The following MGAT5 variants were observed in gnomAD, a reference collection of about 807,000 sequenced individuals.
The protein encoded by MGAT5 is alpha-1,6-mannosylglycoprotein 6-beta-N-acetylglucosaminyltransferase.
In MGAT5, 30 loss-of-function variants were observed where a neutral mutation model predicts 94.3. That is an observed-to-expected ratio of 0.32 (90% CI 0.24 to 0.43). MGAT5 has a LOEUF of 0.43. MGAT5 is among the 20% of genes least tolerant of loss of function. The pLI is 1.00. For missense variants in MGAT5, 691 were observed against 905.5 expected (o/e 0.76, Z 3.04); for synonymous variants, 310 against 322.9 (o/e 0.96, Z 0.43).
At chr2:134,365,244 C>T (rs1337591858) in intron 10 of MGAT5, among the ~76,000 whole-genome samples, 3 of 152,220 alleles carry the variant, frequency 2.0e-5, no homozygotes, top group African/African-American at 7.2e-5. Context: ...TCCCACCACC[C>T]TCCTTCTTGA....
chr2:134,128,719 T>C (rs1685973985), intron 1 of MGAT5, among the ~76,000 whole-genome samples: 2 of 152,090 alleles, frequency 1.3e-5, no homozygotes, highest in African/African-American at 4.8e-5. Flanking sequence ...TCACCACGCC[T>C]GGCTAAATTT....
chr2:134,252,297 T>C (rs1308062288), upstream of MGAT5, among the ~76,000 whole-genome samples: 3 of 152,048 alleles, frequency 2.0e-5, no homozygotes, highest in Admixed American at 2.0e-4. Context: ...TCAGGAAGCA[T>C]GTGCAGGGTT....
intron 9 of MGAT5, among the ~76,000 whole-genome samples, chr2:134,351,923 A>C (rs1194147478): frequency 6.6e-6 from 1 of 152,180 alleles, no homozygotes; most frequent in Non-Finnish European, 1.5e-5. Context: ...GGAAAGAGAA[A>C]TTTACTGCTC....
At chr2:134,164,645 C>T (rs1687882640) in intron 1 of MGAT5, among the ~76,000 whole-genome samples, 1 of 152,116 alleles carries the variant, frequency 6.6e-6, no homozygotes, top group African/African-American at 2.4e-5. Flanking sequence ...GGTCAGTCTA[C>T]TTACTAGTTA....
At chr2:134,259,080 C>T (rs1261202376) in intron 1 of MGAT5, among the ~76,000 whole-genome samples, 2 of 152,250 alleles carry the variant, frequency 1.3e-5, no homozygotes, top group Admixed American at 1.3e-4. Flanking sequence ...CAAAGTGATA[C>T]TCAGAACTCC....
At chr2:134,250,436 A>G (rs1349597003), upstream of MGAT5, among the ~76,000 whole-genome samples, 2 of 152,204 alleles carry the variant, frequency 1.3e-5, no homozygotes, top group Non-Finnish European at 2.9e-5. Context: ...GGGCTTCCTC[A>G]TTAATTGTCT....
chr2:134,439,898 T>C (rs1341660402), intron 14 of MGAT5, among the ~76,000 whole-genome samples: 2 of 152,082 alleles, frequency 1.3e-5, no homozygotes, highest in Non-Finnish European at 2.9e-5. Context: ...ACAGAAACAT[T>C]TCCTCGGCTT....
chr2:134,365,639 G>GC (rs1482653051), intron 10 of MGAT5, among the ~76,000 whole-genome samples: 1 of 152,084 alleles, frequency 6.6e-6, no homozygotes, highest in Non-Finnish European at 1.5e-5. Flanking sequence ...TGCAGTGGAG[G>GC]GCCTGATAGA....
chr2:134,401,285 G>A (rs1019559875), intron 10 of MGAT5, among the ~76,000 whole-genome samples: 9 of 152,170 alleles, frequency 5.9e-5, no homozygotes, highest in Non-Finnish European at 1.3e-4. Flanking sequence ...TAATTGCCCA[G>A]ACTCCAACGC....
intron 1 of MGAT5, among the ~76,000 whole-genome samples, chr2:134,207,928 A>G (rs1436323097): frequency 6.6e-6 from 1 of 152,224 alleles, no homozygotes; most frequent in Non-Finnish European, 1.5e-5. Flanking sequence ...TTAAAGGTCC[A>G]TGCTTCTCAG....
At chr2:134,254,806 A>G (rs1682829861) in intron 1 of MGAT5, among the ~76,000 whole-genome samples, 162 bp downstream of exon 1, 1 of 152,158 alleles carries the variant, frequency 6.6e-6, no homozygotes, top group Non-Finnish European at 1.5e-5. Flanking sequence ...AATTAAAGCA[A>G]TGCCATTTTG....
At chr2:134,421,988 A>G (rs990501923) in intron 12 of MGAT5, among the ~76,000 whole-genome samples, 1 of 151,248 alleles carries the variant, frequency 6.6e-6, no homozygotes, top group Non-Finnish European at 1.5e-5. Flanking sequence ...GGCAACATAC[A>G]GAGACCGTGT....
chr2:134,409,543 C>T (rs554305326), intron 11 of MGAT5, among the ~76,000 whole-genome samples: 9 of 152,210 alleles, frequency 5.9e-5, no homozygotes, highest in Admixed American at 3.3e-4. Context: ...TTTGATGAAC[C>T]GGGGGTGATT....
At position 134,419,442 on chromosome 2, in the gene MGAT5, T is replaced by TTGTGTGTGTGTGTGTG. The variant is rs56181696; in HGVS notation, c.1678-3329_1678-3314dup. On this transcript the variant is annotated intron_variant, in intron 12 of 15. Coordinates refer to ENST00000281923, the MANE Select transcript of MGAT5 (RefSeq NM_002410.5). ...ATTAGAAATACTCTGGCTTCAGGGTTTGTGTGTGTGTGTGTGTGTGTGTGT... is the reference window on the plus strand; with the variant it reads ...ATTAGAAATACTCTGGCTTCAGGGTTTGTGTGTGTGTGTGTGTGTGTGTGTGTGTGTGTGTGTGTGT... Among the ~76,000 whole-genome samples, 375 of 134,214 alleles carry TTGTGTGTGTGTGTGTG rather than the reference T, an allele frequency of 2.8e-3. 1 individual carries two copies. The highest frequency in any genetic ancestry group is 0.011 in the East Asian group (49 of 4,518). The allele number at this position is 134,214 out of a possible 152,430, so 88.0% of individuals were successfully genotyped here. A position where few individuals can be genotyped will look rare whatever the true frequency, so the allele number is the denominator to read the frequency against.
chr2:134,317,167 A>C (rs946366869), intron 2 of MGAT5, among the ~76,000 whole-genome samples: 4 of 152,108 alleles, frequency 2.6e-5, no homozygotes, highest in Non-Finnish European at 2.9e-5. Flanking sequence ...TGTCCCTACC[A>C]GTGCTGGAGG....
chr2:134,323,640 T>C (rs1385738572), intron 4 of MGAT5, among the ~76,000 whole-genome samples: 1 of 152,156 alleles, frequency 6.6e-6, no homozygotes, highest in Non-Finnish European at 1.5e-5. Context: ...CCATTGACTT[T>C]GCATTCAGTT....
rs1394997005 is a variant in MGAT5 at position 134,453,590 on chromosome 2, A to G, written c.*4743A>G. 5 of 152,224 alleles carry G rather than the reference A, an allele frequency of 3.3e-5. No individual in the cohort carries two copies. The East Asian group carries it at 9.6e-4, about 29-fold the overall frequency. 9.4% of individuals were successfully genotyped at this position (152,224 alleles called of 1,614,324 possible). A position where few individuals can be genotyped will look rare whatever the true frequency, so the allele number is the denominator to read the frequency against. ...GACCAATTGAACTTACACATTCCCC[A>G]GGCAGGTCCCTTTGCCGGCCCCTAC... On this transcript the variant is annotated 3_prime_UTR_variant, in exon 16 of 16. Transcript: ENST00000281923.
intron 1 of MGAT5, among the ~76,000 whole-genome samples, chr2:134,155,727 C>G (rs1430681352): frequency 1.3e-5 from 2 of 152,180 alleles, no homozygotes; most frequent in Admixed American, 1.3e-4. Flanking sequence ...TCCTGCCTCC[C>G]TCTGTTTCTA....
chr2:134,429,506 A>C (rs72980094), intron 14 of MGAT5, among the ~76,000 whole-genome samples: 3,808 of 152,308 alleles, frequency 0.025, 129 homozygotes, highest in African/African-American at 0.078. Context: ...TCTATGCCTT[A>C]GTTTCCTTGT....
Sources: allele counts gnomAD v4.1 joint callset (sites outside exome capture counted in the v4.1 genomes callset), GRCh38; gene constraint gnomAD v4.1.1; transcripts MANE v1.5; gene names NCBI Gene and HGNC (gene_info 2026-07-23, HGNC 2026-07-21).